JAK2: variants seen among roughly 807,000 people sequenced by gnomAD.
The protein encoded by JAK2 is Janus kinase 2.
JAK2 carries 86 observed loss-of-function variants against 139.3 expected under a neutral mutation model. The observed-to-expected ratio is 0.62, with a 90% CI of 0.52 to 0.74. JAK2 has a LOEUF of 0.74. Ranked by LOEUF, JAK2 falls within the 30% of genes least tolerant of loss-of-function variation. JAK2 has a pLI of 0.00. For synonymous variants in JAK2, 490 were observed against 437.7 expected (o/e 1.12, Z -1.49); for missense variants, 1,421 against 1,360.3 (o/e 1.04, Z -0.70).
At chr9:5,032,672 T>C (rs1365049459) in intron 4 of JAK2, among the ~76,000 whole-genome samples, 1 of 152,202 alleles carries the variant, frequency 6.6e-6, no homozygotes, top group Non-Finnish European at 1.5e-5. Flanking sequence ...CCAACAGACC[T>C]GCAGCAGAGG....
chr9:5,111,603 G>A, intron 22 of JAK2: 2 of 368,652 alleles, frequency 5.4e-6, no homozygotes, highest in South Asian at 2.0e-5. Context: ...AGTTCCCTGG[G>A]CCAGGTGGGC....
At chr9:5,016,146 G>A (rs554318454) in intron 2 of JAK2, among the ~76,000 whole-genome samples, 11 of 152,262 alleles carry the variant, frequency 7.2e-5, no homozygotes, top group African/African-American at 1.9e-4. Context: ...CCCGCCAAAC[G>A]CTGCCTACTG....
At chr9:5,126,207 G>C (rs1168894492) in intron 23 of JAK2, 126 bp from the exon 24 acceptor site, 3 of 597,866 alleles carry the variant, frequency 5.0e-6, no homozygotes, top group Non-Finnish European at 2.9e-6. Flanking sequence ...AGTTTGTTTT[G>C]AAAAGGTTTG....
At chr9:5,065,787 G>T (rs776168716) in intron 9 of JAK2, among the ~76,000 whole-genome samples, 1 of 152,040 alleles carries the variant, frequency 6.6e-6, no homozygotes, top group African/African-American at 2.4e-5. Flanking sequence ...TGAATAACTC[G>T]AGCAAAGGGA....
chr9:5,076,344 G>A (rs926458421), intron 14 of JAK2, among the ~76,000 whole-genome samples: 1 of 152,078 alleles, frequency 6.6e-6, no homozygotes, highest in Non-Finnish European at 1.5e-5. Flanking sequence ...GGAAGAGTCT[G>A]CAGTGAATTT....
At chr9:5,059,525 C>A (rs1257822555) in intron 8 of JAK2, among the ~76,000 whole-genome samples, 2 of 152,036 alleles carry the variant, frequency 1.3e-5, no homozygotes, top group Admixed American at 1.3e-4. Flanking sequence ...CATGAACATT[C>A]TTATACATAT....
At chr9:5,019,304 A>C (rs1196302798) in intron 2 of JAK2, among the ~76,000 whole-genome samples, 1 of 152,094 alleles carries the variant, frequency 6.6e-6, no homozygotes, top group Admixed American at 6.5e-5. Context: ...AAGTTCAGAA[A>C]TTCTTTCTTC....
intron 2 of JAK2, among the ~76,000 whole-genome samples, chr9:5,006,093 C>A (rs1487325248): frequency 6.6e-6 from 1 of 152,124 alleles, no homozygotes; most frequent in African/African-American, 2.4e-5. Context: ...GCAGTATGGC[C>A]ATTTTCACGA....
At chr9:5,036,660 T>G (rs1001072633) in intron 4 of JAK2, among the ~76,000 whole-genome samples, 1 of 152,214 alleles carries the variant, frequency 6.6e-6, no homozygotes, top group Non-Finnish European at 1.5e-5. Context: ...GCTAGCCATG[T>G]GTAGAAAGCT....
intron 21 of JAK2, 59 bp downstream of exon 21, chr9:5,090,629 G>C: frequency 2.0e-6 from 3 of 1,532,178 alleles, no homozygotes; most frequent in Non-Finnish European, 2.6e-6. Context: ...GTAGACATTA[G>C]GAAATCATCT....
chr9:5,088,297 G>C lies in JAK2; in HGVS notation c.2572-1377G>C, dbSNP rs200794661. The stretch of plus-strand genomic sequence containing the variant: ...CTGTGTAATTAAGAGATTTAACTTT[G>C]AGCCTACATGGTCTAGGTTTTTTAA... On this transcript the variant is annotated intron_variant, in intron 19 of 24. Transcript: ENST00000381652. Among the ~76,000 whole-genome samples the C allele has an allele frequency of 2.6e-5, 4 of 152,190 alleles. No individual in the cohort carries two copies. The East Asian group carries it at 7.7e-4, about 29-fold the overall frequency.
intron 2 of JAK2, among the ~76,000 whole-genome samples, chr9:5,004,442 C>T (rs1222546216): frequency 6.6e-6 from 1 of 152,064 alleles, no homozygotes; most frequent in African/African-American, 2.4e-5. Flanking sequence ...CAGGTTCATC[C>T]ATGTTGTTGT....
chr9:5,065,287 G>T (rs1421384194), intron 9 of JAK2, among the ~76,000 whole-genome samples: 1 of 152,074 alleles, frequency 6.6e-6, no homozygotes, highest in East Asian at 1.9e-4. Context: ...ATGCCTATGT[G>T]TGATTCACTC....
At chr9:5,111,523 GC>G in intron 22 of JAK2, 1 of 368,598 alleles carries the variant, frequency 2.7e-6, no homozygotes, top group Non-Finnish European at 5.3e-6. Context: ...CCGCCAAGAC[GC>G]CCAGCAGCGC....
intron 10 of JAK2, among the ~76,000 whole-genome samples, chr9:5,067,240 C>T (rs552190025): frequency 6.6e-6 from 1 of 152,140 alleles, no homozygotes. Flanking sequence ...AACATTAAAG[C>T]ACTTTTAACT....
At chr9:5,029,928 C>G (rs1439691841) in intron 4 of JAK2, 22 bp downstream of exon 4, 1 of 1,565,714 alleles carries the variant, frequency 6.4e-7, no homozygotes, top group Non-Finnish European at 8.6e-7. Flanking sequence ...AGTAAAGTAA[C>G]TCACTTAATG....
At chr9:5,102,910 G>T (rs7032780) in intron 22 of JAK2, among the ~76,000 whole-genome samples, 10 of 151,928 alleles carry the variant, frequency 6.6e-5, no homozygotes, top group African/African-American at 2.4e-4. Flanking sequence ...AACATGGAAA[G>T]GAACAACCAG....
At chr9:5,059,844 CCTT>C (rs1818030701) in intron 8 of JAK2, among the ~76,000 whole-genome samples, 1 of 152,046 alleles carries the variant, frequency 6.6e-6, no homozygotes, top group Admixed American at 6.6e-5. Flanking sequence ...ATCTGAATAT[CCTT>C]CTTATGAAGT....
At chr9:5,045,371 T>G (rs907318299) in intron 5 of JAK2, among the ~76,000 whole-genome samples, 3 of 152,202 alleles carry the variant, frequency 2.0e-5, no homozygotes, top group African/African-American at 7.2e-5. Flanking sequence ...CATTTCTCTA[T>G]TGGGGTATGA....
Sources: gnomAD v4.1 joint callset for allele counts (sites outside exome capture counted in the v4.1 genomes callset) on GRCh38, gnomAD v4.1.1 for gene constraint, MANE v1.5 for transcripts, NCBI Gene and HGNC (gene_info 2026-07-23, HGNC 2026-07-21) for gene names.